The following STARD7 variants were observed in gnomAD, a reference collection of about 807,000 sequenced individuals.
STARD7 encodes stAR-related lipid transfer protein 7, mitochondrial.
Under a neutral mutation model 45.3 loss-of-function variants are expected in STARD7, and 30 were observed. The ratio of observed to expected loss-of-function variants is 0.66; its 90% CI spans 0.50 to 0.90. The LOEUF is 0.90. Among genes scored for constraint, STARD7 ranks in the 40% least tolerant of loss-of-function variants. The pLI, the probability that STARD7 is intolerant of heterozygous loss-of-function variation, is 0.00. For synonymous variants in STARD7, 199 were observed against 183.0 expected, an observed-to-expected ratio of 1.09 and a Z score of -0.70; for missense variants, 495 against 491.3, an observed-to-expected ratio of 1.01 and a Z score of -0.07.
intron 1 of STARD7, among the ~76,000 whole-genome samples, chr2:96,199,356 T>C (rs554691062): frequency 6.6e-6 from 1 of 152,360 alleles, no homozygotes; most frequent in African/African-American, 2.4e-5. Flanking sequence ...CTTCCAATGA[T>C]GTTTTGTTGT....
At position 96,185,846 on chromosome 2, in the gene STARD7, C is replaced by T. The variant is rs1683027248; in HGVS notation, c.*884G>A. The T allele has an allele frequency of 1.3e-5, 2 of 152,140 alleles. No individual in the cohort carries two copies. Among genetic ancestry groups the T allele is most frequent in the Admixed American group, 6.6e-5 (1 of 15,264 alleles). The allele number at this position is 152,140 out of a possible 1,614,324, so 9.4% of individuals were successfully genotyped here. On this transcript the variant is annotated 3_prime_UTR_variant, in exon 8 of 8. Coordinates refer to ENST00000337288, the MANE Select transcript of STARD7 (RefSeq NM_020151.4). ...AGAATCCTGCTCAATTCCTCAACTCCTATTTGACACAAAAGTTAAAAAATT... is the reference window on the plus strand; with the variant it reads ...AGAATCCTGCTCAATTCCTCAACTCTTATTTGACACAAAAGTTAAAAAATT...
chr2:96,192,523 C>A, intron 5 of STARD7, 55 bp from the exon 6 acceptor site: 1 of 1,379,428 alleles, frequency 7.2e-7, no homozygotes, highest in South Asian at 1.2e-5. Flanking sequence ...TATAAAACAA[C>A]AGGAGAGCTA....
chr2:96,204,193 G>A (rs1384707968), intron 1 of STARD7, among the ~76,000 whole-genome samples: 2 of 152,198 alleles, frequency 1.3e-5, no homozygotes, highest in Non-Finnish European at 2.9e-5. Flanking sequence ...CAGGGAGGCG[G>A]AGGCTGCGGT....
chr2:96,188,465 G>T (rs978402705), intron 6 of STARD7, among the ~76,000 whole-genome samples: 7 of 150,756 alleles, frequency 4.6e-5, no homozygotes, highest in Non-Finnish European at 7.4e-5. Flanking sequence ...AGTAGAAACG[G>T]GGCTTCTCCA....
intron 1 of STARD7, among the ~76,000 whole-genome samples, chr2:96,204,457 A>C (rs1683355588): frequency 6.6e-6 from 1 of 151,736 alleles, no homozygotes; most frequent in African/African-American, 2.4e-5. Context: ...GTGGAGGCTG[A>C]GGCAGGAGAA....
chr2:96,187,412 C>CT (rs934791800), intron 6 of STARD7, 111 bp from the exon 7 acceptor site: 8 of 696,688 alleles, frequency 1.1e-5, no homozygotes, highest in Non-Finnish European at 2.0e-5. Context: ...AGTGTCATTT[C>CT]TTTTTTCACC....
chr2:96,198,236 T>C (rs1401528610), intron 1 of STARD7, among the ~76,000 whole-genome samples: 2 of 151,830 alleles, frequency 1.3e-5, no homozygotes, highest in African/African-American at 2.4e-5. Context: ...GACAGGAGAA[T>C]TGCTTGAACC....
chr2:96,197,079 A>ATAACATAACATAACATAACATAACATAAC (rs1558735802), intron 1 of STARD7, among the ~76,000 whole-genome samples: 1 of 135,648 alleles, frequency 7.4e-6, no homozygotes, highest in Non-Finnish European at 1.6e-5. Flanking sequence ...AATAAAATAA[A>ATAACATAACATAACATAACATAACATAAC]ATAAAATAAA....
At chr2:96,196,703 T>G (rs1037385444) in intron 1 of STARD7, among the ~76,000 whole-genome samples, 1 of 152,038 alleles carries the variant, frequency 6.6e-6, no homozygotes, top group African/African-American at 2.4e-5. Flanking sequence ...CCTCATGATC[T>G]GCCCGCCTCG....
intron 1 of STARD7, among the ~76,000 whole-genome samples, chr2:96,196,122 A>C (rs529275318): frequency 9.9e-5 from 15 of 151,532 alleles, no homozygotes; most frequent in African/African-American, 2.9e-4. Flanking sequence ...TCAAAAAAAA[A>C]AAAAAAACAA....
chr2:96,208,286 G>C lies in STARD7; in HGVS notation c.149C>G (p.Ser50Cys). ...GAGGAGAACGCGGCGTGAGCTCTCG[G>C]AGTAGAGGCGGCCGTAGAGCTGCGC... Reference protein sequence around the residue: ...QIAQLYGRLYSESSRRVLLGR... With the variant: ...QIAQLYGRLYCESSRRVLLGR... The change falls in exon 1 of 8, where the codon TCC (serine) becomes TGC (cysteine). Residue 50 changes from serine to cysteine, a missense_variant. Physicochemically the swap from Ser to Cys is moderately radical, Grantham distance 112. This residue lies in a region of STARD7 where 282 missense variants were observed against 220.1 expected (regional missense o/e 1.28). Transcript: ENST00000337288. 1.9e-6 allele frequency: 3 copies of C among 1,610,830 alleles called. No individual in the cohort carries two copies. The highest frequency in any genetic ancestry group is 1.1e-5 in the South Asian group (1 of 90,828).
At chr2:96,196,422 T>C (rs1266208992) in intron 1 of STARD7, among the ~76,000 whole-genome samples, 2 of 152,180 alleles carry the variant, frequency 1.3e-5, no homozygotes, top group African/African-American at 4.8e-5. Flanking sequence ...ATTCTGCCAC[T>C]GTACTCCAGT....
rs1683029162 is a variant in STARD7, at chr2:96,185,947, T to C, written c.*783A>G. The C allele has an allele frequency of 6.6e-6, 1 of 152,170 alleles. No homozygotes were observed. The highest frequency in any genetic ancestry group is 1.5e-5 in the Non-Finnish European group (1 of 68,036). 9.4% of individuals were successfully genotyped at this position (152,170 alleles called of 1,614,324 possible). On this transcript the variant is annotated 3_prime_UTR_variant, in exon 8 of 8. Transcript: ENST00000337288. The stretch of plus-strand genomic sequence containing the variant: ...AAAAGGATTAGTCTCCCAGTGTTCT[T>C]GGTAAATGGGGAAGGTTAGGAAGGA...
Position 96,193,180 on chromosome 2 carries a change from G to C in STARD7, c.661-20C>G, listed in dbSNP as rs1016744945. Reference sequence around the variant, plus strand: ...TGGATACTAAAGAAATGGAGGAGCAGGATTAGTGTTCTGCATCACACAAAC... The same window carrying C: ...TGGATACTAAAGAAATGGAGGAGCACGATTAGTGTTCTGCATCACACAAAC... On this transcript the variant is annotated intron_variant, in intron 4 of 7. Transcript: ENST00000337288. 1 of 1,600,578 alleles carries C rather than the reference G, an allele frequency of 6.2e-7. No individual in the cohort carries two copies. Among genetic ancestry groups the C allele is most frequent in the African/African-American group, 1.3e-5 (1 of 74,688 alleles).
chr2:96,197,415 A>G (rs1401722673), intron 1 of STARD7, among the ~76,000 whole-genome samples: 1 of 152,204 alleles, frequency 6.6e-6, no homozygotes, highest in Non-Finnish European at 1.5e-5. Context: ...TAAAATAAAT[A>G]AAAAATAAAA....
At chr2:96,205,291 C>T (rs772112085) in intron 1 of STARD7, among the ~76,000 whole-genome samples, 12 of 152,164 alleles carry the variant, frequency 7.9e-5, no homozygotes, top group Non-Finnish European at 1.3e-4. Context: ...TTCTTAAGCA[C>T]AAAAGACGAG....
rs781592450 is a variant in STARD7 at position 96,208,295 on chromosome 2, C to T, written c.140G>A (p.Arg47His). The T allele has an allele frequency of 7.0e-5, 113 of 1,609,758 alleles. No individual in the cohort carries two copies. The highest frequency in any genetic ancestry group is 3.8e-4 in the Admixed American group (23 of 59,752). ...RAQQIAQLYG[R>H]LYSESSRRVL... The stretch of plus-strand genomic sequence containing the variant: ...GCGGCGTGAGCTCTCGGAGTAGAGG[C>T]GGCCGTAGAGCTGCGCGATCTGCTG... The change falls in exon 1 of 8, where the codon CGC (arginine) becomes CAC (histidine). Residue 47 changes from arginine to histidine, a missense_variant. Physicochemically the swap from Arg to His is conservative, Grantham distance 29. Around this residue, in one of 2 missense-constraint regions of STARD7, gnomAD observed 282 missense variants for 220.1 expected, o/e 1.28. Coordinates refer to ENST00000337288, the MANE Select transcript of STARD7 (RefSeq NM_020151.4).
chr2:96,190,937 G>A (rs1683116847), intron 6 of STARD7, among the ~76,000 whole-genome samples: 1 of 152,172 alleles, frequency 6.6e-6, no homozygotes, highest in African/African-American at 2.4e-5. Context: ...GCTGAGGTGG[G>A]AGGATTGCTT....
chr2:96,200,433 C>T (rs1246998818), intron 1 of STARD7, among the ~76,000 whole-genome samples: 1 of 152,048 alleles, frequency 6.6e-6, no homozygotes, highest in Non-Finnish European at 1.5e-5. Context: ...CACTATGTAT[C>T]ATTCAGGGGT....
Sources: gnomAD v4.1 joint callset for allele counts (sites outside exome capture counted in the v4.1 genomes callset) on GRCh38, gnomAD v4.1.1 for gene constraint, gnomAD v4.1.1 regional missense constraint, MANE v1.5 for transcripts, NCBI Gene and HGNC (gene_info 2026-07-23, HGNC 2026-07-21) for gene names.